The following LETM1 variants were observed in gnomAD, a reference collection of about 807,000 sequenced individuals.
The protein encoded by LETM1 is leucine zipper and EF-hand containing transmembrane protein 1.
LETM1 carries 50 observed loss-of-function variants against 74.5 expected under a neutral mutation model. The observed-to-expected ratio is 0.67, with a 90% CI of 0.53 to 0.85. The LOEUF (loss-of-function observed/expected upper bound fraction) is 0.85, where lower values mean the gene tolerates loss of function less well. LETM1 is among the 40% of genes least tolerant of loss of function. LETM1 has a pLI of 0.00. For synonymous variants in LETM1, 446 were observed against 407.1 expected, an observed-to-expected ratio of 1.10 and a Z score of -1.15; for missense variants, 824 against 967.8, an observed-to-expected ratio of 0.85 and a Z score of 1.97.
intron 6 of LETM1, among the ~76,000 whole-genome samples, chr4:1,827,864 G>A (rs1418331047): frequency 6.7e-6 from 1 of 148,408 alleles, no homozygotes; most frequent in African/African-American, 2.6e-5. Flanking sequence ...AGTAGGGGCG[G>A]CCGGGCAGAG....
chr4:1,819,616 C>T (rs769468523), intron 10 of LETM1, 144 bp from the exon 11 acceptor site: 2 of 932,742 alleles, frequency 2.1e-6, no homozygotes, highest in Non-Finnish European at 3.1e-6. Context: ...AAGAGACCCG[C>T]GGGGTTCAGG....
At chr4:1,828,287 C>A (rs1252316092) in intron 6 of LETM1, among the ~76,000 whole-genome samples, 4 of 130,258 alleles carry the variant, frequency 3.1e-5, no homozygotes, top group Admixed American at 7.1e-5. Flanking sequence ...CTGACCCCCC[C>A]ACCTCCCTCC....
chr4:1,833,944 G>C (rs1387598698), intron 5 of LETM1: 1 of 152,386 alleles, frequency 6.6e-6, no homozygotes, highest in African/African-American at 2.4e-5. Flanking sequence ...TGCTCTGCAA[G>C]GCACGATGTC....
chr4:1,833,737 CAG>C (rs1359497553), intron 5 of LETM1: 3 of 152,308 alleles, frequency 2.0e-5, no homozygotes, highest in African/African-American at 7.2e-5. Context: ...GGGTACCTAG[CAG>C]AGGTGACAGA....
chr4:1,848,321 G>GCGA (rs528766231), intron 2 of LETM1, among the ~76,000 whole-genome samples: 315 of 152,248 alleles, frequency 2.1e-3, no homozygotes, highest in African/African-American at 7.2e-3. Flanking sequence ...GGCCATGGCG[G>GCGA]GCGGATCACG....
chr4:1,821,582 G>A (rs1269468304), intron 10 of LETM1, among the ~76,000 whole-genome samples: 3 of 152,126 alleles, frequency 2.0e-5, no homozygotes, highest in African/African-American at 7.2e-5. Flanking sequence ...CCAGATATTG[G>A]GAGGCTGAGG....
Position 1,811,484 on chromosome 4 carries a change from G to C in LETM1, c.*2940C>G, listed in dbSNP as rs1001883180. 2 of 152,418 alleles carry C rather than the reference G, an allele frequency of 1.3e-5. No homozygotes were observed. The highest frequency in any genetic ancestry group is 2.9e-5 in the Non-Finnish European group (2 of 68,064). 9.4% of individuals were successfully genotyped at this position (152,418 alleles called of 1,614,324 possible). A position where few individuals can be genotyped will look rare whatever the true frequency, so the allele number is the denominator to read the frequency against. On this transcript the variant is annotated 3_prime_UTR_variant, in exon 14 of 14. Coordinates refer to ENST00000302787, the MANE Select transcript of LETM1 (RefSeq NM_012318.3). ...AATATTATTACTCTGCACTGTTACA[G>C]GAACACAGATTTGATGTTTTAATAA...
intron 10 of LETM1, among the ~76,000 whole-genome samples, chr4:1,821,168 C>T (rs1405968544): frequency 6.7e-6 from 1 of 150,344 alleles, no homozygotes; most frequent in Admixed American, 6.6e-5. Context: ...CTGTCACCCA[C>T]TGCAAGCTCT....
At chr4:1,852,694 C>A (rs775682657) in intron 1 of LETM1, among the ~76,000 whole-genome samples, 1 of 152,174 alleles carries the variant, frequency 6.6e-6, no homozygotes, top group South Asian at 2.1e-4. Context: ...GCAGGTGGAT[C>A]GCTGTTGAGC....
chr4:1,847,250 A>G (rs1347432541), intron 2 of LETM1, among the ~76,000 whole-genome samples: 1 of 151,972 alleles, frequency 6.6e-6, no homozygotes, highest in African/African-American at 2.4e-5. Context: ...CTAAGGTGGG[A>G]GAATGGCTTG....
At chr4:1,829,351 C>G (rs1350810443) in intron 6 of LETM1, among the ~76,000 whole-genome samples, 1 of 148,386 alleles carries the variant, frequency 6.7e-6, no homozygotes, top group Non-Finnish European at 1.5e-5. Flanking sequence ...GGAGGGCTGA[C>G]CCCCCCACCT....
chr4:1,847,598 T>C (rs1005190834), intron 2 of LETM1, among the ~76,000 whole-genome samples: 2 of 152,032 alleles, frequency 1.3e-5, no homozygotes, highest in African/African-American at 4.8e-5. Flanking sequence ...GGTAGGTGGA[T>C]CATCTGAGGT....
At chr4:1,828,595 C>T (rs1444870956) in intron 6 of LETM1, among the ~76,000 whole-genome samples, 6 of 122,440 alleles carry the variant, frequency 4.9e-5, no homozygotes, top group African/African-American at 1.9e-4. Flanking sequence ...GGCGGCTGGC[C>T]GGGCAGAGGG....
intron 10 of LETM1, among the ~76,000 whole-genome samples, chr4:1,821,797 G>C (rs1711785431): frequency 6.6e-6 from 1 of 152,194 alleles, no homozygotes; most frequent in African/African-American, 2.4e-5. Context: ...GGTGACAGCA[G>C]GTTGGGCCTG....
At chr4:1,814,744 C>A (rs1017645066) in intron 13 of LETM1, among the ~76,000 whole-genome samples, 171 bp from the exon 14 acceptor site, 4 of 152,248 alleles carry the variant, frequency 2.6e-5, no homozygotes, top group African/African-American at 9.6e-5. Context: ...AGGGGTGCCA[C>A]AGACCCTGGG....
chr4:1,841,894 GTGCCA>G, intron 2 of LETM1, 97 bp from the exon 3 acceptor site: 1 of 856,338 alleles, frequency 1.2e-6, no homozygotes, highest in Non-Finnish European at 1.9e-6. Flanking sequence ...CACATGCCCC[GTGCCA>G]TGCCATGTCA....
chr4:1,846,280 GC>G (rs1712880561), intron 2 of LETM1, among the ~76,000 whole-genome samples: 1 of 152,004 alleles, frequency 6.6e-6, no homozygotes, highest in Non-Finnish European at 1.5e-5. Flanking sequence ...ATAAAGTACA[GC>G]TTTTATGTTT....
chr4:1,834,794 T>C lies in LETM1; in HGVS notation c.876+51A>G. On this transcript the variant is annotated intron_variant, in intron 5 of 13. Coordinates refer to ENST00000302787, the MANE Select transcript of LETM1 (RefSeq NM_012318.3). The surrounding 1 kb of genome is among the most constrained non-coding windows in gnomAD (Gnocchi z 5.0). Reference sequence around the variant, plus strand: ...AGCACAGCGAAAGGGAAACAGAAAATCAGGGAAGGCTCCCTGGTGAGGTCA... The same window carrying C: ...AGCACAGCGAAAGGGAAACAGAAAACCAGGGAAGGCTCCCTGGTGAGGTCA... 1 of 1,603,574 alleles carries C rather than the reference T, an allele frequency of 6.2e-7. No homozygotes were observed.
At chr4:1,828,678 G>T (rs1416781959) in intron 6 of LETM1, among the ~76,000 whole-genome samples, 1 of 125,624 alleles carries the variant, frequency 8.0e-6, no homozygotes. Context: ...CTGGCTGGGC[G>T]GGGGGCTGAC....
Sources: gnomAD v4.1 joint callset for allele counts (sites outside exome capture counted in the v4.1 genomes callset) on GRCh38, gnomAD v4.1.1 for gene constraint, Gnocchi (gnomAD v3.1) non-coding constraint, MANE v1.5 for transcripts, NCBI Gene and HGNC (gene_info 2026-07-23, HGNC 2026-07-21) for gene names.